Variants in ABCC9 observed in about 807,000 individuals in gnomAD.
ABCC9 encodes the protein ATP binding cassette subfamily C member 9, also known as ATP-binding cassette sub-family C member 9.
A neutral mutation model predicts 188.3 loss-of-function variants in ABCC9; 95 were observed. The ratio of observed to expected loss-of-function variants is 0.50; its 90% CI spans 0.43 to 0.60. The LOEUF is 0.60. Among genes scored for constraint, ABCC9 ranks in the 20% least tolerant of loss-of-function variants. The pLI, the probability that ABCC9 is intolerant of heterozygous loss-of-function variation, is 0.00. For synonymous variants in ABCC9, 659 were observed against 652.7 expected (o/e 1.01, Z -0.15); for missense variants, 1,102 against 1,876.3 (o/e 0.59, Z 7.62).
intron 2 of ABCC9, among the ~76,000 whole-genome samples, chr12:21,938,330 T>TA: frequency 6.6e-6 from 1 of 152,132 alleles, no homozygotes; most frequent in East Asian, 1.9e-4. Context: ...GTTGTATTTT[T>TA]AAAACCTCAA....
chr12:21,853,017 T>G (rs1251078804), intron 22 of ABCC9, among the ~76,000 whole-genome samples: 3 of 152,046 alleles, frequency 2.0e-5, no homozygotes, highest in Admixed American at 2.0e-4. Context: ...AAACTAGGTA[T>G]AGAAAATGTT....
rs988233294 is a variant in ABCC9, at chr12:21,805,407, A to G, written c.4512+591T>C. 6.8e-6 allele frequency: 8 copies of G among 1,173,574 alleles called. No homozygotes were observed. In the African/African-American group the frequency reaches 9.1e-5, roughly 13 times the overall value. The allele number at this position is 1,173,574 out of a possible 1,614,324, so 72.7% of individuals were successfully genotyped here. ...TTTTTATTAAGCAGTAAGCCTAAAT[A>G]TGAGCAAGAATCCACTTGCAAAGAG... On this transcript the variant is annotated intron_variant, in intron 39 of 39. Coordinates refer to ENST00000261200, the MANE Select transcript of ABCC9 (RefSeq NM_020297.4).
intron 31 of ABCC9, chr12:21,827,240 T>C (rs1334334114): frequency 2.0e-6 from 2 of 985,278 alleles, no homozygotes; most frequent in Admixed American, 6.2e-5. Context: ...GTCTTCTGGC[T>C]ATGAGAACAG....
At chr12:21,832,586 A>G (rs1357191571) in intron 30 of ABCC9, among the ~76,000 whole-genome samples, 1 of 151,862 alleles carries the variant, frequency 6.6e-6, no homozygotes, top group South Asian at 2.1e-4. Flanking sequence ...ACACCACCTT[A>G]CCCCTGCAAG....
chr12:21,940,069 G>A (rs973095542), intron 2 of ABCC9, among the ~76,000 whole-genome samples: 51 of 152,262 alleles, frequency 3.3e-4, no homozygotes, highest in African/African-American at 1.0e-3. Context: ...AGGCATATAA[G>A]GTACACCATT....
intron 36 of ABCC9, among the ~76,000 whole-genome samples, chr12:21,810,971 TGA>T (rs749196450): frequency 1.3e-5 from 2 of 152,108 alleles, no homozygotes; most frequent in African/African-American, 2.4e-5. Flanking sequence ...TATGGTCAAA[TGA>T]GAGATGTGAT....
chr12:21,879,675 T>A (rs940760219), intron 16 of ABCC9, among the ~76,000 whole-genome samples: 2 of 152,144 alleles, frequency 1.3e-5, no homozygotes, highest in African/African-American at 2.4e-5. Flanking sequence ...ATTGTCCATT[T>A]TCTCCTGCTG....
chr12:21,888,697 T>A (rs1298149184), intron 14 of ABCC9, among the ~76,000 whole-genome samples: 1 of 152,162 alleles, frequency 6.6e-6, no homozygotes, highest in Non-Finnish European at 1.5e-5. Context: ...CTCCTTAGGC[T>A]GGGCACAAGA....
intron 20 of ABCC9, among the ~76,000 whole-genome samples, chr12:21,861,908 A>C (rs1304260102): frequency 6.6e-6 from 1 of 152,140 alleles, no homozygotes; most frequent in Admixed American, 6.5e-5. Context: ...GAGGACTGAC[A>C]GTCCTCAAGT....
intron 39 of ABCC9, among the ~76,000 whole-genome samples, chr12:21,802,108 A>T (rs185284764): frequency 6.6e-6 from 1 of 152,146 alleles, no homozygotes; most frequent in Non-Finnish European, 1.5e-5. Flanking sequence ...GGGCTTGTGT[A>T]TTTTGGCTTT....
At chr12:21,935,730 T>G (rs1372471819) in intron 3 of ABCC9, among the ~76,000 whole-genome samples, 2 of 152,048 alleles carry the variant, frequency 1.3e-5, no homozygotes, top group African/African-American at 4.8e-5. Flanking sequence ...GTCCTTTCAT[T>G]CTTATTTCTA....
intron 39 of ABCC9, among the ~76,000 whole-genome samples, chr12:21,803,518 G>A (rs1941621845): frequency 6.6e-6 from 1 of 151,848 alleles, no homozygotes; most frequent in Non-Finnish European, 1.5e-5. Flanking sequence ...AGCCGGGCAT[G>A]GTGGTGCATG....
chr12:21,929,027 A>G (rs1949165280), intron 4 of ABCC9, among the ~76,000 whole-genome samples: 6 of 152,158 alleles, frequency 3.9e-5, no homozygotes, highest in Admixed American at 3.3e-4. Flanking sequence ...ATCATTTTGA[A>G]AGACAGAAAA....
rs376723256 is a variant in ABCC9 at position 21,937,480 on chromosome 12, C to A, written c.-20-786G>T. Reference sequence around the variant, plus strand: ...TAAGTCATTGTCAGGATTGCGGCTTCTACTCTTAGTGAAGTGGGCCACTGG... The same window carrying A: ...TAAGTCATTGTCAGGATTGCGGCTTATACTCTTAGTGAAGTGGGCCACTGG... On this transcript the variant is annotated intron_variant, in intron 2 of 39. Coordinates refer to ENST00000261200, the MANE Select transcript of ABCC9 (RefSeq NM_020297.4). 4.6e-5 allele frequency among the ~76,000 whole-genome samples: 7 copies of A among 152,232 alleles called. No homozygotes were observed. The East Asian group carries it at 1.4e-3, about 29-fold the overall frequency.
intron 29 of ABCC9, among the ~76,000 whole-genome samples, chr12:21,841,450 C>T (rs1487851390): frequency 6.7e-6 from 1 of 149,036 alleles, no homozygotes; most frequent in East Asian, 2.0e-4. Context: ...GCTCTGCCTC[C>T]CGGGTTCAAG....
chr12:21,885,925 C>T (rs1233173525), intron 15 of ABCC9, among the ~76,000 whole-genome samples: 1 of 152,020 alleles, frequency 6.6e-6, no homozygotes. Context: ...AAAAGCTTTC[C>T]AAGTTCCAAT....
At position 21,894,023 on chromosome 12, in the gene ABCC9, A is replaced by T; in HGVS notation, c.1802+9T>A. The T allele has an allele frequency of 6.2e-7, 1 of 1,613,906 alleles. No individual in the cohort carries two copies. The highest frequency in any genetic ancestry group is 8.5e-7 in the Non-Finnish European group (1 of 1,179,954). On this transcript the variant is annotated intron_variant, in intron 14 of 39. Transcript: ENST00000261200. Reference sequence around the variant, plus strand: ...ATAAGCAAAAAATGCCAGACACTTCAGTGCATACCTTATGATGGCTTTGAC... The same window carrying T: ...ATAAGCAAAAAATGCCAGACACTTCTGTGCATACCTTATGATGGCTTTGAC...
intron 35 of ABCC9, among the ~76,000 whole-genome samples, chr12:21,813,942 A>G (rs558230981): frequency 9.8e-5 from 15 of 152,322 alleles, no homozygotes; most frequent in African/African-American, 2.6e-4. Flanking sequence ...GTCAAGTACA[A>G]TAAGTTCGGT....
At position 21,797,755 on chromosome 12, in the gene ABCC9, G is replaced by A. The variant is rs1177178634; in HGVS notation, c.*3289C>T. The A allele has an allele frequency of 6.6e-6, 1 of 152,152 alleles. No individual in the cohort carries two copies. The highest frequency in any genetic ancestry group is 1.5e-5 in the Non-Finnish European group (1 of 68,020). The allele number at this position is 152,152 out of a possible 1,614,324, so 9.4% of individuals were successfully genotyped here. On this transcript the variant is annotated 3_prime_UTR_variant, in exon 40 of 40. Coordinates refer to ENST00000261200, the MANE Select transcript of ABCC9 (RefSeq NM_020297.4). ...GATCATGAGTAAGAGTACAAAAATA[G>A]ATGGTGCATAATTGTTTATACAAAG... is the stretch of plus-strand genomic sequence containing the variant.
Sources: allele counts gnomAD v4.1 joint callset (sites outside exome capture counted in the v4.1 genomes callset), GRCh38; gene constraint gnomAD v4.1.1; transcripts MANE v1.5; gene names NCBI Gene and HGNC (gene_info 2026-07-23, HGNC 2026-07-21).